The following CFAP299 variants were observed in gnomAD, a reference collection of about 807,000 sequenced individuals.
CFAP299 encodes cilia and flagella associated protein 299, also known as cilia- and flagella-associated protein 299.
In CFAP299, 21 loss-of-function variants were observed where a neutral mutation model predicts 27.0. The ratio of observed to expected loss-of-function variants is 0.78; its 90% CI spans 0.55 to 1.12. The LOEUF (loss-of-function observed/expected upper bound fraction) is 1.12, where lower values mean the gene tolerates loss of function less well. CFAP299 is among the 50% of genes most tolerant of loss of function. CFAP299 has a pLI of 0.00. For missense variants in CFAP299, 310 were observed against 276.6 expected, an observed-to-expected ratio of 1.12 and a Z score of -0.86; for synonymous variants, 104 against 98.1, an observed-to-expected ratio of 1.06 and a Z score of -0.36.
At chr4:80,651,867 A>G (rs1391650548) in intron 3 of CFAP299, among the ~76,000 whole-genome samples, 9 of 152,052 alleles carry the variant, frequency 5.9e-5, no homozygotes, top group African/African-American at 2.2e-4. Flanking sequence ...GCTTATGTGA[A>G]GAGTTCACGT....
intron 3 of CFAP299, among the ~76,000 whole-genome samples, chr4:80,853,295 T>G (rs1366958155): frequency 6.6e-6 from 1 of 152,200 alleles, no homozygotes; most frequent in African/African-American, 2.4e-5. Flanking sequence ...CCTCCCAAAG[T>G]GCTGGGATTA....
chr4:80,688,565 A>G (rs10014118), intron 3 of CFAP299, among the ~76,000 whole-genome samples: 92,829 of 152,142 alleles, frequency 0.61, 32,260 homozygotes, highest in Non-Finnish European at 0.77. Flanking sequence ...ATCAAAGACA[A>G]AAGTAGATAA....
intron 2 of CFAP299, among the ~76,000 whole-genome samples, chr4:80,402,364 G>A (rs977133415): frequency 6.6e-6 from 1 of 152,122 alleles, no homozygotes; most frequent in African/African-American, 2.4e-5. Context: ...GAACCCAGAG[G>A]GGAGGTAATT....
intron 5 of CFAP299, among the ~76,000 whole-genome samples, chr4:80,950,120 C>G (rs1249409666): frequency 6.6e-6 from 1 of 151,914 alleles, no homozygotes; most frequent in Non-Finnish European, 1.5e-5. Context: ...CTCACTTTCC[C>G]CCAGTACTCA....
At chr4:80,802,646 A>C (rs989193556) in intron 3 of CFAP299, among the ~76,000 whole-genome samples, 5 of 152,088 alleles carry the variant, frequency 3.3e-5, no homozygotes, top group African/African-American at 1.2e-4. Flanking sequence ...AATAGGTCTC[A>C]TCCTGCCTCT....
At chr4:80,896,558 T>A (rs1310372946) in intron 4 of CFAP299, among the ~76,000 whole-genome samples, 1 of 152,080 alleles carries the variant, frequency 6.6e-6, no homozygotes, top group African/African-American at 2.4e-5. Context: ...TCAAATCATA[T>A]GTAACACAAG....
chr4:80,923,904 T>C (rs777462794), intron 4 of CFAP299, among the ~76,000 whole-genome samples: 2 of 152,034 alleles, frequency 1.3e-5, no homozygotes, highest in African/African-American at 4.8e-5. Context: ...TATAGTTATA[T>C]ATTTTTTAAA....
At chr4:80,941,496 A>G (rs114360298) in intron 4 of CFAP299, among the ~76,000 whole-genome samples, 4,525 of 152,300 alleles carry the variant, frequency 0.03, 180 homozygotes, top group African/African-American at 0.091. Flanking sequence ...TTAAAGCAAC[A>G]TAGATGTCAT....
At chr4:80,886,834 C>G (rs985290387) in intron 4 of CFAP299, among the ~76,000 whole-genome samples, 22 of 151,838 alleles carry the variant, frequency 1.4e-4, no homozygotes, top group Admixed American at 5.9e-4. Context: ...CAAGATAACC[C>G]AGAGAAGTTT....
intron 2 of CFAP299, among the ~76,000 whole-genome samples, chr4:80,489,170 A>G (rs1186121237): frequency 6.6e-6 from 1 of 152,052 alleles, no homozygotes; most frequent in African/African-American, 2.4e-5. Flanking sequence ...ATGACTAGGT[A>G]TTTGCTAGTT....
intron 3 of CFAP299, among the ~76,000 whole-genome samples, chr4:80,745,700 A>T (rs944410479): frequency 2.6e-5 from 4 of 152,040 alleles, no homozygotes; most frequent in African/African-American, 9.7e-5. Flanking sequence ...ACTAAAGTAC[A>T]TACTTTATTT....
intron 2 of CFAP299, among the ~76,000 whole-genome samples, chr4:80,447,135 T>G (rs1316873610): frequency 2.5e-5 from 3 of 118,430 alleles, no homozygotes; most frequent in African/African-American, 4.0e-5. Flanking sequence ...TTTTTGTTTT[T>G]TTTTTTTTTT....
chr4:80,896,697 T>C (rs1458006501), intron 4 of CFAP299, among the ~76,000 whole-genome samples: 1 of 152,176 alleles, frequency 6.6e-6, no homozygotes, highest in Non-Finnish European at 1.5e-5. Flanking sequence ...ACTTACATTT[T>C]GTAGTTTATA....
chr4:80,341,088 T>C lies in CFAP299; in HGVS notation c.111+5209T>C, dbSNP rs767818922. 1.9e-4 allele frequency among the ~76,000 whole-genome samples: 29 copies of C among 152,308 alleles called. 1 individual carries two copies. The highest frequency in any genetic ancestry group is 6.5e-4 in the Admixed American group (10 of 15,294). On this transcript the variant is annotated intron_variant, in intron 1 of 5. Coordinates refer to ENST00000358105, the MANE Select transcript of CFAP299 (RefSeq NM_152770.3). Reference sequence around the variant, plus strand: ...ACCGTGCCTGGCCCAGACTGCTTCTTTGAGTTAGATTCCAATCCATTCCTT... The same window carrying C: ...ACCGTGCCTGGCCCAGACTGCTTCTCTGAGTTAGATTCCAATCCATTCCTT...
chr4:80,344,633 C>G (rs1436701623), intron 1 of CFAP299, among the ~76,000 whole-genome samples: 1 of 151,988 alleles, frequency 6.6e-6, no homozygotes, highest in Non-Finnish European at 1.5e-5. Flanking sequence ...GGGAACTCCT[C>G]CCTGTTTATA....
chr4:80,426,782 G>C (rs1012139287), intron 2 of CFAP299, among the ~76,000 whole-genome samples: 129 of 152,338 alleles, frequency 8.5e-4, no homozygotes, highest in African/African-American at 3.0e-3. Flanking sequence ...ACAAGGTACT[G>C]TGGGGAAAGT....
At chr4:80,406,676 A>G (rs1251194271) in intron 2 of CFAP299, among the ~76,000 whole-genome samples, 1 of 152,224 alleles carries the variant, frequency 6.6e-6, no homozygotes, top group Non-Finnish European at 1.5e-5. Flanking sequence ...AGCCCCTAGT[A>G]CAAACTTAAT....
At chr4:80,379,798 A>C (rs1348817355) in intron 2 of CFAP299, among the ~76,000 whole-genome samples, 1 of 152,008 alleles carries the variant, frequency 6.6e-6, no homozygotes, top group Non-Finnish European at 1.5e-5. Context: ...ATTTATTGAC[A>C]TTTACTTTAT....
chr4:80,608,082 AAT>A (rs1337218104), intron 3 of CFAP299, among the ~76,000 whole-genome samples: 1 of 152,140 alleles, frequency 6.6e-6, no homozygotes, highest in East Asian at 1.9e-4. Context: ...TTTATATACA[AAT>A]ATATGTGTGT....
Sources: allele counts gnomAD v4.1 joint callset (sites outside exome capture counted in the v4.1 genomes callset), GRCh38; gene constraint gnomAD v4.1.1; transcripts MANE v1.5; gene names NCBI Gene and HGNC (gene_info 2026-07-23, HGNC 2026-07-21).